GTF2H1: variants seen among roughly 807,000 people sequenced by gnomAD.
GTF2H1 encodes BTF2 p62.
Under a neutral mutation model 71.2 loss-of-function variants are expected in GTF2H1, and 16 were observed. That is an observed-to-expected ratio of 0.22 (90% CI 0.15 to 0.34). The LOEUF is 0.34. GTF2H1 is among the 10% of genes least tolerant of loss of function. GTF2H1 has a pLI of 1.00. For synonymous variants in GTF2H1, 215 were observed against 219.0 expected, an observed-to-expected ratio of 0.98 and a Z score of 0.16; for missense variants, 498 against 648.2, an observed-to-expected ratio of 0.77 and a Z score of 2.52.
At chr11:18,335,136 T>C (rs1009963386) in intron 2 of GTF2H1, among the ~76,000 whole-genome samples, 1 of 152,218 alleles carries the variant, frequency 6.6e-6, no homozygotes, top group African/African-American at 2.4e-5. Flanking sequence ...AAGTCAGATC[T>C]AAAGGCTTGA....
rs1042979159 is a variant in GTF2H1 at position 18,332,108 on chromosome 11, G to T, written c.-15-952G>T. Among the ~76,000 whole-genome samples the T allele has an allele frequency of 2.6e-5, 4 of 152,228 alleles. No individual in the cohort carries two copies. The South Asian group carries it at 6.2e-4, about 24-fold the overall frequency. ...TCCCAAATTGCGGGGGGTTACAGGT[G>T]TAAGCCACATCACTTGGCCTGTTTT... On this transcript the variant is annotated intron_variant, in intron 1 of 14. Transcript: ENST00000265963.
rs1429454670 is a variant in GTF2H1, at chr11:18,339,753, G to A, written c.607+96G>A. ...AAAAGCTTCAGATTCCTGATCAAGT[G>A]CAATAAATTATGTAAAGTACTTTTT... is the stretch of plus-strand genomic sequence containing the variant. On this transcript the variant is annotated intron_variant, in intron 5 of 14. Transcript: ENST00000265963. 4.2e-6 allele frequency: 3 copies of A among 714,846 alleles called. No homozygotes were observed. The East Asian group carries it at 8.1e-5, about 19-fold the overall frequency. 44.3% of individuals were successfully genotyped at this position (714,846 alleles called of 1,614,324 possible).
rs765506897 is a variant in GTF2H1, at chr11:18,348,011, C to T, written c.1053+92C>T. 11 of 818,668 alleles carry T rather than the reference C, an allele frequency of 1.3e-5. No individual in the cohort carries two copies. The African/African-American group carries it at 1.7e-4, about 13-fold the overall frequency. 50.7% of individuals were successfully genotyped at this position (818,668 alleles called of 1,614,324 possible). A position where few individuals can be genotyped will look rare whatever the true frequency, so the allele number is the denominator to read the frequency against. ...TACTGTATACGCTTATTTCCTGTGA[C>T]TCAGTTCTTCTAACTAAGATGTTAA... On this transcript the variant is annotated intron_variant, in intron 9 of 14. Coordinates refer to ENST00000265963, the MANE Select transcript of GTF2H1 (RefSeq NM_005316.4).
intron 3 of GTF2H1, among the ~76,000 whole-genome samples, chr11:18,336,720 A>T (rs921273027): frequency 2.0e-5 from 3 of 151,838 alleles, no homozygotes; most frequent in Non-Finnish European, 4.4e-5. Flanking sequence ...AAAATAATTC[A>T]CACTGAAAAA....
chr11:18,326,915 C>T (rs1462945864), intron 1 of GTF2H1, among the ~76,000 whole-genome samples: 4 of 152,048 alleles, frequency 2.6e-5, no homozygotes, highest in African/African-American at 9.7e-5. Flanking sequence ...GTTTCATATT[C>T]TACAGAGTGG....
intron 11 of GTF2H1, among the ~76,000 whole-genome samples, chr11:18,356,204 C>A (rs2133985631): frequency 6.6e-6 from 1 of 152,082 alleles, no homozygotes; most frequent in South Asian, 2.1e-4. Flanking sequence ...ATGGCAAAAC[C>A]CCGTCTCTAC....
In GTF2H1 at chr11:18,365,513, A is replaced by G. The variant is rs1016784478; in HGVS notation, c.1561-270A>G. Among the ~76,000 whole-genome samples, 4 of 152,202 alleles carry G rather than the reference A, an allele frequency of 2.6e-5. 1 individual carries two copies. The South Asian group carries it at 6.2e-4, about 24-fold the overall frequency. ...AGAAGGAATTGAGGCCTGGAGCACA[A>G]TTGTGACTTTCATATTGTCCTATTA... On this transcript the variant is annotated intron_variant, in intron 14 of 14. Transcript: ENST00000265963.
intron 7 of GTF2H1, among the ~76,000 whole-genome samples, chr11:18,344,616 CAAAAA>C (rs201176508): frequency 7.0e-5 from 7 of 100,482 alleles, no homozygotes; most frequent in African/African-American, 3.8e-5. Flanking sequence ...GAGACTGTCT[CAAAAA>C]AAAAAAAAAA....
At chr11:18,334,615 G>A (rs1864981783) in intron 2 of GTF2H1, among the ~76,000 whole-genome samples, 1 of 152,148 alleles carries the variant, frequency 6.6e-6, no homozygotes, top group South Asian at 2.1e-4. Context: ...ATTGGTGAAA[G>A]CAGTGCATAC....
chr11:18,331,700 T>TG (rs1256023170), intron 1 of GTF2H1, among the ~76,000 whole-genome samples: 2 of 151,436 alleles, frequency 1.3e-5, no homozygotes, highest in Admixed American at 6.6e-5. Flanking sequence ...AGTAGTTTTT[T>TG]GGGGGTTTTT....
intron 11 of GTF2H1, among the ~76,000 whole-genome samples, chr11:18,355,365 G>T (rs939596516): frequency 3.3e-5 from 5 of 151,128 alleles, no homozygotes; most frequent in Non-Finnish European, 7.4e-5. Flanking sequence ...GGATGGTCTC[G>T]ATCTCCTGAC....
In GTF2H1 at chr11:18,351,818, G is replaced by A. The variant is rs114149076; in HGVS notation, c.1054-63G>A. ...CCCTCTGTACAGTTTTGTTTTTTCA[G>A]TCATGTTTATTGTGTAAGAGAAAGT... On this transcript the variant is annotated intron_variant, in intron 9 of 14. Coordinates refer to ENST00000265963, the MANE Select transcript of GTF2H1 (RefSeq NM_005316.4). 2.4e-3 allele frequency: 2,147 copies of A among 887,008 alleles called. 22 individuals are homozygous for A. In the African/African-American group the frequency reaches 0.032, roughly 13 times the overall value. The allele number at this position is 887,008 out of a possible 1,614,324, so 54.9% of individuals were successfully genotyped here. A position where few individuals can be genotyped will look rare whatever the true frequency, so the allele number is the denominator to read the frequency against.
At chr11:18,364,073 C>CA (rs1232983053) in intron 14 of GTF2H1, among the ~76,000 whole-genome samples, 29 of 143,298 alleles carry the variant, frequency 2.0e-4, no homozygotes, top group African/African-American at 4.1e-4. Flanking sequence ...AACTCCATCT[C>CA]AAAAAAAAAA....
intron 11 of GTF2H1, among the ~76,000 whole-genome samples, chr11:18,355,809 A>G (rs1272567258): frequency 6.6e-6 from 1 of 152,172 alleles, no homozygotes; most frequent in Non-Finnish European, 1.5e-5. Context: ...CTGCTATTCT[A>G]CAAGTTTTGA....
intron 9 of GTF2H1, among the ~76,000 whole-genome samples, chr11:18,351,335 G>A (rs1865418404): frequency 6.8e-6 from 1 of 147,522 alleles, no homozygotes; most frequent in African/African-American, 2.5e-5. Flanking sequence ...AGGCTGGAAC[G>A]CAGTGGCGTG....
chr11:18,360,283 CA>C (rs1865665211), intron 13 of GTF2H1, among the ~76,000 whole-genome samples: 1 of 151,812 alleles, frequency 6.6e-6, no homozygotes, highest in African/African-American at 2.4e-5. Context: ...CCACCACGCC[CA>C]GCTAATTTTT....
chr11:18,339,728 A>G (rs1865111840), intron 5 of GTF2H1, 71 bp downstream of exon 5: 5 of 908,716 alleles, frequency 5.5e-6, no homozygotes, highest in East Asian at 2.5e-5. Flanking sequence ...GTGAAAAACA[A>G]AAAGCTTCAG....
At chr11:18,346,675 T>C (rs567863018) in intron 7 of GTF2H1, among the ~76,000 whole-genome samples, 45 of 152,054 alleles carry the variant, frequency 3.0e-4, no homozygotes, top group African/African-American at 1.1e-3. Context: ...ATTTGACTCT[T>C]TATCTTTCTG....
intron 4 of GTF2H1, 88 bp from the exon 5 acceptor site, chr11:18,339,476 T>C: frequency 1.2e-6 from 1 of 831,006 alleles, no homozygotes; most frequent in Non-Finnish European, 2.0e-6. Context: ...CAGAAATTTT[T>C]TTTTCCACCT....
Sources: allele counts gnomAD v4.1 joint callset (sites outside exome capture counted in the v4.1 genomes callset), GRCh38; gene constraint gnomAD v4.1.1; transcripts MANE v1.5; gene names NCBI Gene and HGNC (gene_info 2026-07-23, HGNC 2026-07-21).